The following TBCD variants were observed in gnomAD, a reference collection of about 807,000 sequenced individuals.
TBCD encodes tubulin folding cofactor D.
In TBCD, 105 loss-of-function variants were observed where a neutral mutation model predicts 169.3. The ratio of observed to expected loss-of-function variants is 0.62; its 90% CI spans 0.53 to 0.73. The LOEUF (loss-of-function observed/expected upper bound fraction) is 0.73, where lower values mean the gene tolerates loss of function less well. Ranked by LOEUF, TBCD falls within the 30% of genes least tolerant of loss-of-function variation. TBCD has a pLI of 0.00. For synonymous variants in TBCD, 700 were observed against 643.9 expected, an observed-to-expected ratio of 1.09 and a Z score of -1.32; for missense variants, 1,444 against 1,600.1, an observed-to-expected ratio of 0.90 and a Z score of 1.66.
intron 23 of TBCD, among the ~76,000 whole-genome samples, chr17:82,916,246 T>A (rs1467268762): frequency 1.4e-5 from 2 of 147,484 alleles, no homozygotes; most frequent in East Asian, 3.9e-4. Context: ...CTTTTTCCAC[T>A]TTTTTTTTTT....
At chr17:82,863,336 G>C (rs369952591) in intron 13 of TBCD, among the ~76,000 whole-genome samples, 14 of 152,178 alleles carry the variant, frequency 9.2e-5, no homozygotes, top group East Asian at 7.7e-4. Flanking sequence ...TGGCTTCGCA[G>C]ACCCGGACGC....
At chr17:82,847,634 A>G (rs1317060901) in intron 13 of TBCD, among the ~76,000 whole-genome samples, 1 of 152,132 alleles carries the variant, frequency 6.6e-6, no homozygotes, top group Non-Finnish European at 1.5e-5. Flanking sequence ...ATAACGCCAC[A>G]ATTTAATTCT....
intron 13 of TBCD, among the ~76,000 whole-genome samples, chr17:82,822,804 G>C (rs141089605): frequency 6.6e-6 from 1 of 152,250 alleles, no homozygotes; most frequent in South Asian, 2.1e-4. Flanking sequence ...AGTAAGGTCA[G>C]TGAGTGACAT....
At position 82,903,579 on chromosome 17, in the gene TBCD, T is replaced by C. The variant is rs2060031887; in HGVS notation, c.1804+101T>C. The C allele has an allele frequency of 4.0e-6, 5 of 1,248,130 alleles. No individual in the cohort carries two copies. In the East Asian group the frequency reaches 7.7e-5, roughly 19 times the overall value. The allele number at this position is 1,248,130 out of a possible 1,614,324, so 77.3% of individuals were successfully genotyped here. On this transcript the variant is annotated intron_variant, in intron 19 of 38. Transcript: ENST00000355528. This position sits in a 1 kb window ranked among gnomAD's most constrained non-coding sequence, Gnocchi z 4.8. The stretch of plus-strand genomic sequence containing the variant: ...CTGGGGGCTGAAAATAAGGTTGTGC[T>C]TCTGTCTTGGTGAGAAGCATCTGAG...
chr17:82,777,980 C>G (rs866161162), intron 6 of TBCD, among the ~76,000 whole-genome samples: 1 of 152,382 alleles, frequency 6.6e-6, no homozygotes, highest in Middle Eastern at 3.4e-3. Flanking sequence ...CCAAGGAGCC[C>G]TCTGGTGGCC....
intron 25 of TBCD, 101 bp downstream of exon 25, chr17:82,921,678 C>A: frequency 9.7e-7 from 1 of 1,025,796 alleles, no homozygotes; most frequent in East Asian, 2.4e-5. Flanking sequence ...GAGGCTGTCC[C>A]TGCAGTAGCC....
intron 13 of TBCD, among the ~76,000 whole-genome samples, chr17:82,853,469 C>CA (rs368884472): frequency 1.6e-3 from 240 of 152,048 alleles, no homozygotes; most frequent in African/African-American, 5.6e-3. Flanking sequence ...GTGGCTCACT[C>CA]ACGGCTCACT....
chr17:82,886,739 G>C (rs1370137596), intron 15 of TBCD, among the ~76,000 whole-genome samples: 1 of 131,376 alleles, frequency 7.6e-6, no homozygotes, highest in African/African-American at 2.8e-5. Flanking sequence ...GTGCGATCTT[G>C]GCTTATTGCA....
At chr17:82,855,178 C>T (rs577546805) in intron 13 of TBCD, among the ~76,000 whole-genome samples, 3 of 144,754 alleles carry the variant, frequency 2.1e-5, no homozygotes, top group East Asian at 2.1e-4. Context: ...AGACCCTATG[C>T]GGTGCCACCT....
chr17:82,789,041 C>T lies in TBCD; in HGVS notation c.771+7320C>T, dbSNP rs1047780990. Among the ~76,000 whole-genome samples, 1 of 152,232 alleles carries T rather than the reference C, an allele frequency of 6.6e-6. No homozygotes were observed. The highest frequency in any genetic ancestry group is 6.5e-5 in the Admixed American group (1 of 15,286). The stretch of plus-strand genomic sequence containing the variant: ...AGTGTGGCCAGAGGAAGATGACCCA[C>T]GTGGTCCTTTTTAGTTGTAGTGCTC... On this transcript the variant is annotated intron_variant, in intron 7 of 38. Coordinates refer to ENST00000355528, the MANE Select transcript of TBCD (RefSeq NM_005993.5). The surrounding 1 kb of genome is among the most constrained non-coding windows in gnomAD (Gnocchi z 4.8).
chr17:82,859,199 T>A (rs1229435096), intron 13 of TBCD, among the ~76,000 whole-genome samples: 3 of 150,816 alleles, frequency 2.0e-5, no homozygotes, highest in African/African-American at 7.4e-5. Context: ...GCCGGCTCTG[T>A]GTCCTCCCCG....
At chr17:82,916,046 T>C (rs1568032990) in intron 23 of TBCD, among the ~76,000 whole-genome samples, 1 of 152,206 alleles carries the variant, frequency 6.6e-6, no homozygotes, top group Non-Finnish European at 1.5e-5. Flanking sequence ...AGATACCCTG[T>C]TCTCTTTCTT....
At chr17:82,909,873 C>G (rs2060505728) in intron 22 of TBCD, among the ~76,000 whole-genome samples, 1 of 152,234 alleles carries the variant, frequency 6.6e-6, no homozygotes, top group African/African-American at 2.4e-5. Flanking sequence ...CCCTCTGTGC[C>G]TTTGCAGCCC....
chr17:82,853,736 G>T (rs530972284), intron 13 of TBCD, among the ~76,000 whole-genome samples: 1 of 152,054 alleles, frequency 6.6e-6, no homozygotes, highest in South Asian at 2.1e-4. Context: ...TTTTCTCAGT[G>T]TATTCTTTTC....
At chr17:82,819,207 A>G (rs189043177) in intron 13 of TBCD, among the ~76,000 whole-genome samples, 1 of 152,378 alleles carries the variant, frequency 6.6e-6, no homozygotes, top group East Asian at 1.9e-4. Context: ...AGGAGGAAGA[A>G]GTAAAACTAG....
At chr17:82,807,178 G>T (rs941642674) in intron 10 of TBCD, among the ~76,000 whole-genome samples, 16 of 152,244 alleles carry the variant, frequency 1.1e-4, no homozygotes, top group African/African-American at 3.9e-4. Context: ...CTTCTGTGTG[G>T]TTCTTAAAAG....
intron 7 of TBCD, among the ~76,000 whole-genome samples, chr17:82,796,572 A>C (rs2050121195): frequency 6.6e-6 from 1 of 152,214 alleles, no homozygotes; most frequent in Non-Finnish European, 1.5e-5. Context: ...ACAGAGGAAC[A>C]GGAGCGCAGA....
intron 20 of TBCD, among the ~76,000 whole-genome samples, 153 bp from the exon 21 acceptor site, chr17:82,907,608 G>A (rs1420040442): frequency 6.6e-6 from 1 of 152,218 alleles, no homozygotes; most frequent in Non-Finnish European, 1.5e-5. Flanking sequence ...GACCCACTGG[G>A]ACCTGAACAA....
chr17:82,805,935 T>G lies in TBCD; in HGVS notation c.1011T>G (p.Ser337Arg). 2 of 1,613,682 alleles carry G rather than the reference T, an allele frequency of 1.2e-6. No homozygotes were observed. The highest frequency in any genetic ancestry group is 1.7e-6 in the Non-Finnish European group (2 of 1,179,730). Residue 337 changes from serine (S) to arginine (R), a missense_variant, in exon 10 of 39, where the codon AGT (serine) becomes AGG (arginine). Ser to Arg is a moderately radical substitution (Grantham distance 110). Coordinates refer to ENST00000355528, the MANE Select transcript of TBCD (RefSeq NM_005993.5). ...TGCAGCTCCTCACTCAGGGTCAGAGTGAGCAGAAGCCACTCATCCTGACCG... is the reference window on the plus strand; with the variant it reads ...TGCAGCTCCTCACTCAGGGTCAGAGGGAGCAGAAGCCACTCATCCTGACCG... ...ANLQLLTQGQ[S>R]EQKPLILTED...
Sources: allele counts gnomAD v4.1 joint callset (sites outside exome capture counted in the v4.1 genomes callset), GRCh38; gene constraint gnomAD v4.1.1; non-coding constraint Gnocchi (gnomAD v3.1); transcripts MANE v1.5; gene names NCBI Gene and HGNC (gene_info 2026-07-23, HGNC 2026-07-21).